The following CDS2 variants were observed in gnomAD, a reference collection of about 807,000 sequenced individuals.
CDS2 encodes the protein phosphatidate cytidylyltransferase 2.
In CDS2, 47 loss-of-function variants were observed where a neutral mutation model predicts 59.0. That is an observed-to-expected ratio of 0.80 (90% CI 0.63 to 1.02). CDS2 has a LOEUF of 1.02. Ranked by LOEUF, CDS2 falls within the 50% of genes least tolerant of loss-of-function variation. CDS2 has a pLI of 0.00. For missense variants in CDS2, 356 were observed against 558.9 expected, an observed-to-expected ratio of 0.64 and a Z score of 3.66; for synonymous variants, 207 against 206.4, an observed-to-expected ratio of 1.00 and a Z score of -0.02.
intron 5 of CDS2, 143 bp downstream of exon 5, chr20:5,179,099 G>T: frequency 2.7e-5 from 16 of 583,306 alleles, no homozygotes; most frequent in African/African-American, 3.8e-5. Context: ...GATGCTCTAT[G>T]TTAAGCTGTA....
At chr20:5,183,359 G>A (rs1451774931) in intron 7 of CDS2, among the ~76,000 whole-genome samples, 1 of 152,130 alleles carries the variant, frequency 6.6e-6, no homozygotes, top group East Asian at 1.9e-4. Flanking sequence ...CCTGGGTGGT[G>A]CTTATATTGC....
chr20:5,190,629 G>A lies in CDS2; in HGVS notation c.*395G>A, dbSNP rs762108925. On this transcript the variant is annotated 3_prime_UTR_variant, in exon 13 of 13. Transcript: ENST00000460006. The stretch of plus-strand genomic sequence containing the variant: ...TCATCTGTGTCTGACCAAATCAGGG[G>A]ACTTCCCCACCTGTGGTGGGAGGCA... 6.5e-6 allele frequency: 1 copy of A among 154,100 alleles called. No individual in the cohort carries two copies. Among genetic ancestry groups the A allele is most frequent in the South Asian group, 2.1e-4 (1 of 4,832 alleles). The allele number at this position is 154,100 out of a possible 1,614,324, so 9.5% of individuals were successfully genotyped here.
At position 5,175,280 on chromosome 20, in the gene CDS2, G is replaced by T. The variant is rs769400834; in HGVS notation, c.291+1G>T. On this transcript the variant is annotated splice_donor_variant, in intron 3 of 12. Coordinates refer to ENST00000460006, the MANE Select transcript of CDS2 (RefSeq NM_003818.4). LOFTEE classifies it high-confidence loss of function. ...GGGACCAATGGTTTTGATGATAATCGTAAGTGCCATTTCACACTATTTTAG... is the reference window on the plus strand; with the variant it reads ...GGGACCAATGGTTTTGATGATAATCTTAAGTGCCATTTCACACTATTTTAG... The T allele has an allele frequency of 1.9e-6, 3 of 1,611,002 alleles. No individual in the cohort carries two copies. Among genetic ancestry groups the T allele is most frequent in the South Asian group, 2.2e-5 (2 of 91,012 alleles).
chr20:5,166,579 G>A (rs530290438), intron 1 of CDS2, among the ~76,000 whole-genome samples: 10 of 152,288 alleles, frequency 6.6e-5, no homozygotes, highest in African/African-American at 9.6e-5. Flanking sequence ...CCTCAAATGC[G>A]GGGACAGGCT....
chr20:5,190,494 C>G lies in CDS2; in HGVS notation c.*260C>G, dbSNP rs2091105786. ...TAAAACCATTTGGATTTTTTTAAAA[C>G]AAAAGTATTAATAATCTGGAAGACA... On this transcript the variant is annotated 3_prime_UTR_variant, in exon 13 of 13. Transcript: ENST00000460006. 3.0e-6 allele frequency: 1 copy of G among 336,050 alleles called. No individual in the cohort carries two copies. The highest frequency in any genetic ancestry group is 9.6e-5 in the South Asian group (1 of 10,446). The allele number at this position is 336,050 out of a possible 1,614,324, so 20.8% of individuals were successfully genotyped here.
At chr20:5,133,758 C>G (rs1185844125) in intron 1 of CDS2, among the ~76,000 whole-genome samples, 2 of 152,180 alleles carry the variant, frequency 1.3e-5, no homozygotes, top group Non-Finnish European at 2.9e-5. Context: ...CTCCTGACCT[C>G]AGGTGATACT....
intron 1 of CDS2, among the ~76,000 whole-genome samples, chr20:5,140,835 T>G (rs1257310217): frequency 1.3e-5 from 2 of 152,246 alleles, no homozygotes; most frequent in African/African-American, 4.8e-5. Flanking sequence ...TATTTGAGCT[T>G]GATCAAGACT....
intron 1 of CDS2, among the ~76,000 whole-genome samples, chr20:5,152,753 G>A (rs373242344): frequency 3.3e-5 from 5 of 152,016 alleles, no homozygotes; most frequent in East Asian, 3.9e-4. Flanking sequence ...TCACACACAC[G>A]CACACACACA....
intron 4 of CDS2, 66 bp from the exon 5 acceptor site, chr20:5,178,751 A>T (rs2091012016): frequency 3.2e-6 from 5 of 1,570,842 alleles, no homozygotes; most frequent in Non-Finnish European, 4.4e-6. Context: ...TTCCTCTGGG[A>T]TGTCTGACTG....
intron 1 of CDS2, among the ~76,000 whole-genome samples, chr20:5,136,342 T>C (rs2090649931): frequency 6.6e-6 from 1 of 152,210 alleles, no homozygotes; most frequent in East Asian, 1.9e-4. Context: ...TACTCAGGCT[T>C]GAAATCTCCT....
chr20:5,140,629 G>A (rs1466649689), intron 1 of CDS2, among the ~76,000 whole-genome samples: 1 of 152,144 alleles, frequency 6.6e-6, no homozygotes, highest in African/African-American at 2.4e-5. Flanking sequence ...TACAAATTGT[G>A]TCTTAGAGCT....
Position 5,185,827 on chromosome 20 carries a change from G to T in CDS2, c.828+1G>T. Reference sequence around the variant, plus strand: ...TGCTACTGTGGTGTTTGGCCTTCTGGTAGGTGGTGGCTTTCAGCTGTGTAA... The same window carrying T: ...TGCTACTGTGGTGTTTGGCCTTCTGTTAGGTGGTGGCTTTCAGCTGTGTAA... On this transcript the variant is annotated splice_donor_variant, in intron 9 of 12. Coordinates refer to ENST00000460006, the MANE Select transcript of CDS2 (RefSeq NM_003818.4). LOFTEE classifies it high-confidence loss of function. 3.7e-6 allele frequency: 6 copies of T among 1,614,150 alleles called. No individual in the cohort carries two copies. Among genetic ancestry groups the T allele is most frequent in the Non-Finnish European group, 4.2e-6 (5 of 1,179,976 alleles).
At position 5,197,137 on chromosome 20, in the gene CDS2, A is replaced by G. The variant is rs2091163510; in HGVS notation, c.*6903A>G. ...ATCTTCTAGAGTTGATACTGATAAT[A>G]TATTTTAATTTTTATTGATGTTTAA... On this transcript the variant is annotated 3_prime_UTR_variant, in exon 13 of 13. Transcript: ENST00000460006. 1 of 151,656 alleles carries G rather than the reference A, an allele frequency of 6.6e-6. No homozygotes were observed. Among genetic ancestry groups the G allele is most frequent in the South Asian group, 2.1e-4 (1 of 4,800 alleles). 9.4% of individuals were successfully genotyped at this position (151,656 alleles called of 1,614,324 possible). A position where few individuals can be genotyped will look rare whatever the true frequency, so the allele number is the denominator to read the frequency against.
intron 1 of CDS2, among the ~76,000 whole-genome samples, chr20:5,168,313 G>T (rs551299570): frequency 6.6e-6 from 1 of 150,630 alleles, no homozygotes; most frequent in East Asian, 1.9e-4. Context: ...TACTTGGGAG[G>T]CTGAGGCAGG....
chr20:5,168,741 G>A (rs2090932832), intron 1 of CDS2: 1 of 467,734 alleles, frequency 2.1e-6, no homozygotes, highest in East Asian at 6.3e-5. Context: ...GTGAAAATGA[G>A]TTCCACAAAT....
At chr20:5,155,626 G>A (rs185943255) in intron 1 of CDS2, among the ~76,000 whole-genome samples, 193 of 152,264 alleles carry the variant, frequency 1.3e-3, no homozygotes, top group Non-Finnish European at 2.1e-3. Flanking sequence ...CTCTCGTAGG[G>A]ATATACATGA....
chr20:5,167,573 G>A (rs1600497846), intron 1 of CDS2, among the ~76,000 whole-genome samples: 1 of 151,990 alleles, frequency 6.6e-6, no homozygotes. Context: ...TTTTTTTTCA[G>A]TAGGAACTCA....
intron 1 of CDS2, among the ~76,000 whole-genome samples, chr20:5,141,108 A>G (rs2090689820): frequency 6.6e-6 from 1 of 152,186 alleles, no homozygotes. Flanking sequence ...TCCCCAAGGC[A>G]GGAATCTTCT....
At chr20:5,185,727 C>T (rs371841637) in intron 8 of CDS2, 31 bp from the exon 9 acceptor site, 313 of 1,598,784 alleles carry the variant, frequency 2.0e-4, no homozygotes, top group Non-Finnish European at 2.6e-4. Flanking sequence ...ATCAAAACAC[C>T]CTTTGCTGAG....
Sources: gnomAD v4.1 joint callset for allele counts (sites outside exome capture counted in the v4.1 genomes callset) on GRCh38, gnomAD v4.1.1 for gene constraint, MANE v1.5 for transcripts, NCBI Gene and HGNC (gene_info 2026-07-23, HGNC 2026-07-21) for gene names.